CTNNA2: variants seen among roughly 807,000 people sequenced by gnomAD.
The protein encoded by CTNNA2 is catenin alpha 2.
In CTNNA2, 42 loss-of-function variants were observed where a neutral mutation model predicts 101.0. The observed-to-expected ratio is 0.42, with a 90% CI of 0.32 to 0.54. The LOEUF (loss-of-function observed/expected upper bound fraction) is 0.54. Ranked by LOEUF, CTNNA2 falls within the 20% of genes least tolerant of loss-of-function variation. The pLI is 0.14. For missense variants in CTNNA2, 871 were observed against 1,223.1 expected (o/e 0.71, Z 4.29); for synonymous variants, 450 against 456.4 (o/e 0.99, Z 0.18).
chr2:80,234,952 A>G (rs1709465574), intron 7 of CTNNA2, among the ~76,000 whole-genome samples: 1 of 152,132 alleles, frequency 6.6e-6, no homozygotes, highest in South Asian at 2.1e-4. Flanking sequence ...ATAAATATTT[A>G]CTTACCAAAG....
At chr2:80,624,414 A>AACAACAGCTG (rs1370826353) in intron 18 of CTNNA2, among the ~76,000 whole-genome samples, 1 of 151,936 alleles carries the variant, frequency 6.6e-6, no homozygotes, top group Non-Finnish European at 1.5e-5. Context: ...TTTTTTCGTG[A>AACAACAGCTG]ACAACAGCTG....
intron 2 of CTNNA2, among the ~76,000 whole-genome samples, chr2:79,238,111 T>A (rs1485640712): frequency 6.6e-6 from 1 of 152,196 alleles, no homozygotes; most frequent in Non-Finnish European, 1.5e-5. Flanking sequence ...AGCTTTTGAT[T>A]TAAAGTGAGA....
chr2:79,361,402 T>C (rs1442932122), intron 3 of CTNNA2, among the ~76,000 whole-genome samples: 1 of 152,180 alleles, frequency 6.6e-6, no homozygotes, highest in Admixed American at 6.5e-5. Flanking sequence ...ATCAGAGAGA[T>C]GAATGGGAAA....
intron 7 of CTNNA2, among the ~76,000 whole-genome samples, chr2:79,977,643 A>C (rs1690963976): frequency 6.6e-6 from 1 of 152,152 alleles, no homozygotes; most frequent in Non-Finnish European, 1.5e-5. Flanking sequence ...TAATACAAAC[A>C]TACTAACACT....
chr2:79,799,188 T>G (rs1394999557), intron 3 of CTNNA2, among the ~76,000 whole-genome samples: 1 of 152,052 alleles, frequency 6.6e-6, no homozygotes, highest in Non-Finnish European at 1.5e-5. Context: ...CTTGTTTTTT[T>G]TTTTTTAATC....
chr2:79,913,837 G>C (rs1685983052), intron 7 of CTNNA2, among the ~76,000 whole-genome samples: 1 of 152,090 alleles, frequency 6.6e-6, no homozygotes, highest in Non-Finnish European at 1.5e-5. Context: ...TTTGGTTTTG[G>C]TTGCACAGGA....
At chr2:79,337,233 A>C (rs1677015166) in intron 3 of CTNNA2, among the ~76,000 whole-genome samples, 1 of 152,210 alleles carries the variant, frequency 6.6e-6, no homozygotes, top group Non-Finnish European at 1.5e-5. Flanking sequence ...AACTGACCCA[A>C]GATAGGAAAG....
At chr2:79,971,074 A>G (rs1690447064) in intron 7 of CTNNA2, among the ~76,000 whole-genome samples, 1 of 152,168 alleles carries the variant, frequency 6.6e-6, no homozygotes, top group African/African-American at 2.4e-5. Flanking sequence ...TGAAAGACGT[A>G]TAATGCTGGG....
At chr2:79,418,525 G>T (rs1228707332) in intron 4 of CTNNA2, among the ~76,000 whole-genome samples, 1 of 152,104 alleles carries the variant, frequency 6.6e-6, no homozygotes, top group Non-Finnish European at 1.5e-5. Flanking sequence ...TGCAAAGGTG[G>T]TTTCAAAGTC....
In CTNNA2 at chr2:79,891,761, G is replaced by C. The variant is rs61489905; in HGVS notation, c.852+17419G>C. 0.03 allele frequency among the ~76,000 whole-genome samples: 4,637 copies of C among 152,132 alleles called. 327 individuals carry two copies. In the East Asian group the frequency reaches 0.31, roughly 10 times the overall value. On this transcript the variant is annotated intron_variant, in intron 6 of 18. Coordinates refer to ENST00000402739, the MANE Select transcript of CTNNA2 (RefSeq NM_001282597.3). ...AAATATTACAATACCTTAGAAATTA[G>C]TTTTCCTGAAGTAAGTAGGAAGAAA... is the stretch of plus-strand genomic sequence containing the variant.
intron 3 of CTNNA2, among the ~76,000 whole-genome samples, chr2:79,808,537 T>A (rs778041632): frequency 5.3e-5 from 8 of 152,178 alleles, no homozygotes; most frequent in Non-Finnish European, 1.0e-4. Context: ...TTCTTTACAG[T>A]GTCTTTGAAA....
At chr2:80,316,125 C>G (rs989696102) in intron 7 of CTNNA2, among the ~76,000 whole-genome samples, 1 of 152,124 alleles carries the variant, frequency 6.6e-6, no homozygotes. Flanking sequence ...AGAACTGTTT[C>G]CTTCTGCACA....
chr2:80,016,225 CAAGT>C (rs2104062869), intron 7 of CTNNA2, among the ~76,000 whole-genome samples: 1 of 152,282 alleles, frequency 6.6e-6, no homozygotes, highest in South Asian at 2.1e-4. Flanking sequence ...TTAAGGGCAA[CAAGT>C]AAGTGCTACA....
chr2:79,894,057 T>G (rs868159597), intron 6 of CTNNA2, among the ~76,000 whole-genome samples: 1 of 74,822 alleles, frequency 1.3e-5, no homozygotes, highest in African/African-American at 5.7e-5. Flanking sequence ...CTTCTTCTTC[T>G]TCTTCTTCCT....
At chr2:80,061,021 A>C (rs187890396) in intron 7 of CTNNA2, among the ~76,000 whole-genome samples, 38 of 152,204 alleles carry the variant, frequency 2.5e-4, no homozygotes, top group Admixed American at 4.6e-4. Context: ...CAACTGCACC[A>C]CATCCTAAGC....
At chr2:79,329,010 C>T (rs925291975) in intron 3 of CTNNA2, among the ~76,000 whole-genome samples, 1 of 152,304 alleles carries the variant, frequency 6.6e-6, no homozygotes, top group South Asian at 2.1e-4. Context: ...TGTGTCCAAA[C>T]TTTCTCTACT....
intron 3 of CTNNA2, among the ~76,000 whole-genome samples, chr2:79,365,520 G>A (rs1183750257): frequency 1.3e-5 from 2 of 151,358 alleles, no homozygotes. Context: ...TAGCTACTCA[G>A]GAGTCTGAGG....
At chr2:80,074,743 A>G (rs1248196644) in intron 7 of CTNNA2, among the ~76,000 whole-genome samples, 1 of 152,222 alleles carries the variant, frequency 6.6e-6, no homozygotes, top group Non-Finnish European at 1.5e-5. Context: ...ATGCCAGACA[A>G]CTTACAAAAC....
At chr2:80,317,699 A>G (rs939391387) in intron 7 of CTNNA2, among the ~76,000 whole-genome samples, 2 of 152,148 alleles carry the variant, frequency 1.3e-5, no homozygotes, top group African/African-American at 4.8e-5. Context: ...CAGAATACCG[A>G]CAACCACACA....
Sources: gnomAD v4.1 joint callset for allele counts (sites outside exome capture counted in the v4.1 genomes callset) on GRCh38, gnomAD v4.1.1 for gene constraint, MANE v1.5 for transcripts, NCBI Gene and HGNC (gene_info 2026-07-23, HGNC 2026-07-21) for gene names.